The following ADRA1A variants were observed in gnomAD, a reference collection of about 807,000 sequenced individuals.
ADRA1A encodes alpha-1A adrenergic receptor.
A neutral mutation model predicts 29.6 loss-of-function variants in ADRA1A; 31 were observed. That is an observed-to-expected ratio of 1.05 (90% CI 0.79 to 1.41). The LOEUF is 1.41. Among genes scored for constraint, ADRA1A ranks in the 40% most tolerant of loss-of-function variants. The pLI is 0.00. For missense variants in ADRA1A, 619 were observed against 601.1 expected, an observed-to-expected ratio of 1.03 and a Z score of -0.31; for synonymous variants, 311 against 254.3, an observed-to-expected ratio of 1.22 and a Z score of -2.12.
intron 2 of ADRA1A, among the ~76,000 whole-genome samples, chr8:26,833,126 G>T (rs1157824473): frequency 2.6e-5 from 4 of 152,180 alleles, no homozygotes; most frequent in Non-Finnish European, 4.4e-5. Flanking sequence ...AGAAAAGAGG[G>T]TCTCTGATTC....
In ADRA1A at chr8:26,821,954, G is replaced by C. The variant is rs1810203468; in HGVS notation, c.883+42133C>G. Among the ~76,000 whole-genome samples the C allele has an allele frequency of 6.6e-6, 1 of 152,200 alleles. No homozygotes were observed. Among genetic ancestry groups the C allele is most frequent in the Non-Finnish European group, 1.5e-5 (1 of 68,042 alleles). On this transcript the variant is annotated intron_variant, in intron 2 of 2. Coordinates refer to ENST00000380573, the MANE Select transcript of ADRA1A (RefSeq NM_000680.4). The surrounding 1 kb of genome is among the most constrained non-coding windows in gnomAD (Gnocchi z 5.6). ...ATAGCTTGCTATTTTTTATTGCTAA[G>C]TAGGGGTGTATTACCATTTGCTTAA...
rs1447928975 is a variant in ADRA1A, at chr8:26,805,790, C to T, written c.884-35124G>A. ...CAAGAGTTACTGGAACTTCAGTAAG[C>T]TCATTACTTGAACACATTTATTTTT... On this transcript the variant is annotated intron_variant, in intron 2 of 2. Transcript: ENST00000380573. The surrounding 1 kb of genome is among the most constrained non-coding windows in gnomAD (Gnocchi z 4.8). 2.0e-5 allele frequency among the ~76,000 whole-genome samples: 3 copies of T among 152,178 alleles called. No individual in the cohort carries two copies. Among genetic ancestry groups the T allele is most frequent in the Admixed American group, 2.0e-4 (3 of 15,284 alleles).
At chr8:26,813,872 G>A (rs2130555792) in intron 2 of ADRA1A, among the ~76,000 whole-genome samples, 1 of 152,180 alleles carries the variant, frequency 6.6e-6, no homozygotes, top group Non-Finnish European at 1.5e-5. Flanking sequence ...CACAGTGAAG[G>A]ATGATGTTGA....
At chr8:26,751,968 C>T (rs1466243366), downstream of ADRA1A, among the ~76,000 whole-genome samples, 1 of 152,146 alleles carries the variant, frequency 6.6e-6, no homozygotes, top group African/African-American at 2.4e-5. Flanking sequence ...CACACCTCTT[C>T]CCAACAGTGT....
intron 2 of ADRA1A, among the ~76,000 whole-genome samples, chr8:26,782,134 C>A (rs1474545834): frequency 6.6e-6 from 1 of 152,188 alleles, no homozygotes; most frequent in Non-Finnish European, 1.5e-5. Flanking sequence ...GCTCTTCACT[C>A]CCAGCTCCTG....
rs1813885285 is a variant in ADRA1A at position 26,866,024 on chromosome 8, C to T, written c.-686-369G>A. Among the ~76,000 whole-genome samples, 1 of 152,210 alleles carries T rather than the reference C, an allele frequency of 6.6e-6. No individual in the cohort carries two copies. The highest frequency in any genetic ancestry group is 2.4e-5 in the African/African-American group (1 of 41,466). ...GCGACTGCGGCTGGCGAGTGTGTCG[C>T]ACGGATCCTAGCCGGGGAATTCTGG... On this transcript the variant is annotated intron_variant, in intron 1 of 2. Coordinates refer to ENST00000380573, the MANE Select transcript of ADRA1A (RefSeq NM_000680.4). This position sits in a 1 kb window ranked among gnomAD's most constrained non-coding sequence, Gnocchi z 5.7.
chr8:26,766,024 C>G, downstream of ADRA1A: 1 of 1,612,756 alleles, frequency 6.2e-7, no homozygotes, highest in Non-Finnish European at 8.5e-7. Context: ...CATTTGCAGA[C>G]TGCCTAGGTC....
At chr8:26,854,434 A>AGGGGGGGG (rs1563310604) in intron 2 of ADRA1A, 1 of 77,002 alleles carries the variant, frequency 1.3e-5, no homozygotes, top group African/African-American at 5.1e-5. Flanking sequence ...GGGGGGGGGG[A>AGGGGGGGG]GCAGGCAGAG....
chr8:26,863,015 C>T lies in ADRA1A; in HGVS notation c.883+1072G>A, dbSNP rs370891694. ...AGGAAAATGTCTGGAACATAAGTGG[C>T]ACAAAAAAATAATAGTTGCTATTAT... On this transcript the variant is annotated intron_variant, in intron 2 of 2. Coordinates refer to ENST00000380573, the MANE Select transcript of ADRA1A (RefSeq NM_000680.4). Among the ~76,000 whole-genome samples, 27 of 151,162 alleles carry T rather than the reference C, an allele frequency of 1.8e-4. No individual in the cohort carries two copies. In the South Asian group the frequency reaches 3.8e-3, roughly 21 times the overall value.
chr8:26,866,472 A>T lies in ADRA1A; in HGVS notation c.-687+464T>A, dbSNP rs185145149. On this transcript the variant is annotated intron_variant, in intron 1 of 2. Transcript: ENST00000380573. This position sits in a 1 kb window ranked among gnomAD's most constrained non-coding sequence, Gnocchi z 5.7. ...ACATTAAGCCGGCATGCCAGCGGGC[A>T]GGGGCCGCCTTCGATTTTCTGGGCT... Among the ~76,000 whole-genome samples, 3 of 152,266 alleles carry T rather than the reference A, an allele frequency of 2.0e-5. No homozygotes were observed. Among genetic ancestry groups the T allele is most frequent in the Admixed American group, 2.0e-4 (3 of 15,310 alleles).
At chr8:26,833,066 TTATAGA>T (rs1811104939) in intron 2 of ADRA1A, among the ~76,000 whole-genome samples, 2 of 152,142 alleles carry the variant, frequency 1.3e-5, no homozygotes, top group South Asian at 2.1e-4. Flanking sequence ...ATTAGTAAAG[TTATAGA>T]TATACGTGTG....
chr8:26,864,735 C>A lies in ADRA1A; in HGVS notation c.235G>T (p.Val79Leu). The change falls in exon 2 of 3, where the codon GTG (valine) becomes TTG (leucine). Residue 79 changes from valine (V) to leucine (L), a missense_variant. Transcript: ENST00000380573. This position sits in a 1 kb window ranked among gnomAD's most constrained non-coding sequence, Gnocchi z 8.1. ...AVADLLLTST[V>L]LPFSAIFEVL... ...TCGAAGATGGCGGAGAAGGGCAGCA[C>A]CGTGGAGGTGAGCAGGAGGTCGGCC... 1 of 1,614,142 alleles carries A rather than the reference C, an allele frequency of 6.2e-7. No individual in the cohort carries two copies.
intron 2 of ADRA1A, 49 bp from the exon 3 acceptor site, chr8:26,770,715 C>A (rs1806085106): frequency 6.5e-7 from 1 of 1,535,336 alleles, no homozygotes; most frequent in East Asian, 2.3e-5. Flanking sequence ...AGCCAGCAAG[C>A]CAATTGGCTA....
At position 26,770,003 on chromosome 8, in the gene ADRA1A, A is replaced by T; in HGVS notation, c.*146T>A. ...TTCCCTGTGCCCTACCCGCTGCCTG[A>T]TGAGTTGGGTCTACCACCCACCCCA... On this transcript the variant is annotated 3_prime_UTR_variant, in exon 3 of 3. Coordinates refer to ENST00000380573, the MANE Select transcript of ADRA1A (RefSeq NM_000680.4). 1 of 1,445,306 alleles carries T rather than the reference A, an allele frequency of 6.9e-7. No homozygotes were observed. The highest frequency in any genetic ancestry group is 9.1e-7 in the Non-Finnish European group (1 of 1,103,182). 89.5% of individuals were successfully genotyped at this position (1,445,306 alleles called of 1,614,324 possible).
At chr8:26,832,774 G>A (rs193186423) in intron 2 of ADRA1A, among the ~76,000 whole-genome samples, 30 of 152,268 alleles carry the variant, frequency 2.0e-4, no homozygotes, top group African/African-American at 7.0e-4. Flanking sequence ...GTGGGGGAGG[G>A]AGGCAAGCAG....
chr8:26,774,098 G>A (rs1354380950), intron 2 of ADRA1A, among the ~76,000 whole-genome samples: 1 of 152,182 alleles, frequency 6.6e-6, no homozygotes, highest in African/African-American at 2.4e-5. Flanking sequence ...CCAGACCAGA[G>A]ACCTTCCTGT....
chr8:26,867,207 C>G lies in ADRA1A; in HGVS notation c.-958G>C. On this transcript the variant is annotated 5_prime_UTR_variant, in exon 1 of 3. Transcript: ENST00000380573. ...AGATAACCGGTAACTCCACAATCAC[C>G]CTTTTAATATTCAGCTCCCCGACAC... 1.0e-6 allele frequency: 1 copy of G among 985,416 alleles called. No homozygotes were observed. Among genetic ancestry groups the G allele is most frequent in the Non-Finnish European group, 1.2e-6 (1 of 829,930 alleles). 61.0% of individuals were successfully genotyped at this position (985,416 alleles called of 1,614,324 possible).
intron 2 of ADRA1A, among the ~76,000 whole-genome samples, chr8:26,850,102 A>G (rs527921147): frequency 6.6e-6 from 1 of 151,976 alleles, no homozygotes; most frequent in Admixed American, 6.5e-5. Flanking sequence ...ATCAGAGCAG[A>G]GGACATCATC....
In ADRA1A at chr8:26,806,352, A is replaced by G. The variant is rs1808981798; in HGVS notation, c.884-35686T>C. 6.8e-6 allele frequency among the ~76,000 whole-genome samples: 1 copy of G among 147,270 alleles called. No homozygotes were observed. Reference sequence around the variant, plus strand: ...TTCTGTTTTGCTCTTCCCTTACTGTATAACAGATAGCAGGGTGCAAAAAGC... The same window carrying G: ...TTCTGTTTTGCTCTTCCCTTACTGTGTAACAGATAGCAGGGTGCAAAAAGC... On this transcript the variant is annotated intron_variant, in intron 2 of 2. Transcript: ENST00000380573. This position sits in a 1 kb window ranked among gnomAD's most constrained non-coding sequence, Gnocchi z 4.6.
Sources: allele counts gnomAD v4.1 joint callset (sites outside exome capture counted in the v4.1 genomes callset), GRCh38; gene constraint gnomAD v4.1.1; non-coding constraint Gnocchi (gnomAD v3.1); transcripts MANE v1.5; gene names NCBI Gene and HGNC (gene_info 2026-07-23, HGNC 2026-07-21).